BTBD16: variants seen among roughly 807,000 people sequenced by gnomAD.
BTBD16 encodes BTB/POZ domain-containing protein 16.
In BTBD16, 66 loss-of-function variants were observed where a neutral mutation model predicts 67.4. That is an observed-to-expected ratio of 0.98 (90% CI 0.80 to 1.20). The LOEUF (loss-of-function observed/expected upper bound fraction) is 1.20, where lower values mean the gene tolerates loss of function less well. BTBD16 is among the 50% of genes most tolerant of loss of function. The pLI is 0.00. For missense variants in BTBD16, 634 were observed against 616.0 expected (o/e 1.03, Z -0.31); for synonymous variants, 242 against 236.4 (o/e 1.02, Z -0.22).
chr10:122,324,696 G>T (rs1205619188), intron 10 of BTBD16, among the ~76,000 whole-genome samples: 1 of 151,968 alleles, frequency 6.6e-6, no homozygotes, highest in African/African-American at 2.4e-5. Context: ...GCCTTGTTGT[G>T]TCTTCTCTTG....
chr10:122,298,542 C>T (rs1224196342), intron 8 of BTBD16, among the ~76,000 whole-genome samples: 1 of 152,236 alleles, frequency 6.6e-6, no homozygotes, highest in African/African-American at 2.4e-5. Context: ...TCCACTTTCT[C>T]TGCCCTTCAA....
rs754204178 is a variant in BTBD16 at position 122,276,834 on chromosome 10, G to C, written c.62G>C (p.Arg21Pro). The change falls in exon 3 of 16, where the codon CGG becomes CCG. Residue 21 changes from arginine (R) to proline (P), a missense_variant. Coordinates refer to ENST00000260723, the MANE Select transcript of BTBD16 (RefSeq NM_144587.5). ...CGCCGGGTCACTGGCTCAACCAACC[G>C]GTGGCGTTTGCCCAAACAGCCTTTC... ...LERRVTGSTN[R>P]WRLPKQPFSG... The C allele has an allele frequency of 2.5e-6, 4 of 1,614,202 alleles. No homozygotes were observed. Among genetic ancestry groups the C allele is most frequent in the East Asian group, 4.5e-5 (2 of 44,890 alleles).
chr10:122,315,938 C>T (rs1279414161), intron 10 of BTBD16, among the ~76,000 whole-genome samples: 4 of 152,072 alleles, frequency 2.6e-5, no homozygotes, highest in Admixed American at 2.6e-4. Context: ...ATGAAAATAT[C>T]CATCTCACAC....
At chr10:122,321,939 T>C (rs1198240630) in intron 10 of BTBD16, among the ~76,000 whole-genome samples, 1 of 152,198 alleles carries the variant, frequency 6.6e-6, no homozygotes, top group South Asian at 2.1e-4. Context: ...AGGTTTCTTC[T>C]AGGATTTTTA....
chr10:122,305,258 G>T (rs1249006823), intron 9 of BTBD16, among the ~76,000 whole-genome samples: 1 of 152,184 alleles, frequency 6.6e-6, no homozygotes, highest in African/African-American at 2.4e-5. Context: ...TGTCACCCAG[G>T]TGATCAGTAT....
chr10:122,329,262 C>T (rs1299111127), intron 10 of BTBD16, among the ~76,000 whole-genome samples: 2 of 152,160 alleles, frequency 1.3e-5, no homozygotes, highest in Non-Finnish European at 2.9e-5. Flanking sequence ...GGACTATAAG[C>T]ATTTGTCTCC....
chr10:122,315,911 T>A (rs922124374), intron 10 of BTBD16, among the ~76,000 whole-genome samples: 5 of 152,166 alleles, frequency 3.3e-5, no homozygotes, highest in Non-Finnish European at 5.9e-5. Context: ...CATAAAATGA[T>A]CATTACAATA....
chr10:122,279,816 C>CT (rs2096348712), intron 3 of BTBD16, among the ~76,000 whole-genome samples: 1 of 152,198 alleles, frequency 6.6e-6, no homozygotes, highest in Admixed American at 6.5e-5. Context: ...GTCATTGCTG[C>CT]TTTTCCCACC....
chr10:122,320,875 G>T (rs2096434271), intron 10 of BTBD16, among the ~76,000 whole-genome samples: 1 of 152,016 alleles, frequency 6.6e-6, no homozygotes, highest in East Asian at 1.9e-4. Flanking sequence ...TTTTATTTCA[G>T]ATTTAGGGGG....
chr10:122,283,294 G>A (rs1170137911), intron 3 of BTBD16, among the ~76,000 whole-genome samples: 1 of 152,228 alleles, frequency 6.6e-6, no homozygotes, highest in Non-Finnish European at 1.5e-5. Context: ...AAAGATCTAG[G>A]CAAGTGATGA....
At chr10:122,334,032 C>T (rs557243012) in intron 13 of BTBD16, among the ~76,000 whole-genome samples, 60 of 152,134 alleles carry the variant, frequency 3.9e-4, no homozygotes, top group African/African-American at 1.4e-3. Context: ...GGAGTGAATT[C>T]ATTCAAATTG....
In BTBD16 at chr10:122,336,502, G is replaced by C; in HGVS notation, c.1272G>C (p.Lys424Asn). ...AATCACTCTCTTTGCAGAGAATAAA[G>C]CACACAGACCTGGAATCTCCCTCTG... The part of the protein sequence containing the change: ...TSYSFYMQRI[K>N]HTDLESPSAV... The change falls in exon 15 of 16, where the codon AAG (lysine) becomes AAC (asparagine). Residue 424 changes from lysine to asparagine, a missense_variant. Transcript: ENST00000260723. 1 of 1,605,624 alleles carries C rather than the reference G, an allele frequency of 6.2e-7. No homozygotes were observed. The highest frequency in any genetic ancestry group is 8.5e-7 in the Non-Finnish European group (1 of 1,176,514).
intron 12 of BTBD16, chr10:122,331,828 A>C (rs2096455637): frequency 1.3e-5 from 2 of 153,748 alleles, no homozygotes; most frequent in Admixed American, 1.3e-4. Flanking sequence ...CCTGCTCAAC[A>C]AATACCTATT....
chr10:122,298,126 T>C (rs2096387046), intron 8 of BTBD16, among the ~76,000 whole-genome samples: 1 of 152,184 alleles, frequency 6.6e-6, no homozygotes, highest in Admixed American at 6.5e-5. Context: ...TTCCAGAACA[T>C]TCTTGCTGGA....
Position 122,276,907 on chromosome 10 carries a change from A to G in BTBD16, c.135A>G (p.Ile45Met), listed in dbSNP as rs958406577. 11 of 1,614,022 alleles carry G rather than the reference A, an allele frequency of 6.8e-6. No individual in the cohort carries two copies. In the African/African-American group the frequency reaches 1.2e-4, roughly 18 times the overall value. ...CCCAGATGTGCAAGGCTCTGAGCAT[A>G]GACTTTGAGGAAGCTTTGAGGAACC... ...SLSQMCKALS[I>M]DFEEALRNPD... The change falls in exon 3 of 16, where the codon ATA becomes ATG. Residue 45 changes from isoleucine (I) to methionine (M), a missense_variant. By Grantham distance (10) the Ile-to-Met change is conservative. Transcript: ENST00000260723.
chr10:122,316,400 C>T (rs2096424474), intron 10 of BTBD16, among the ~76,000 whole-genome samples: 1 of 152,206 alleles, frequency 6.6e-6, no homozygotes, highest in Non-Finnish European at 1.5e-5. Context: ...GAATGTTATA[C>T]AGTCTCATGC....
intron 7 of BTBD16, chr10:122,293,988 G>C (rs2096378669): frequency 3.4e-6 from 1 of 292,126 alleles, no homozygotes; most frequent in Admixed American, 6.5e-5. Context: ...CCCCCACCTT[G>C]TTTTGAATGC....
rs748757619 is a variant in BTBD16 at position 122,286,276 on chromosome 10, G to A, written c.385+28G>A. 49 of 1,586,234 alleles carry A rather than the reference G, an allele frequency of 3.1e-5. No homozygotes were observed. The South Asian group carries it at 5.3e-4, about 17-fold the overall frequency. On this transcript the variant is annotated intron_variant, in intron 5 of 15. Coordinates refer to ENST00000260723, the MANE Select transcript of BTBD16 (RefSeq NM_144587.5). ...ACTTCCTCCCTGGCACCCAGTGCTG[G>A]AGCCCCAGTGCCCTCTAGCTTGACG...
At chr10:122,332,087 T>C in intron 12 of BTBD16, 2 of 200,224 alleles carry the variant, frequency 1.0e-5, no homozygotes, top group Non-Finnish European at 2.0e-5. Context: ...CTCCCTCTCC[T>C]CCCCAGCCCT....
Sources: gnomAD v4.1 joint callset for allele counts (sites outside exome capture counted in the v4.1 genomes callset) on GRCh38, gnomAD v4.1.1 for gene constraint, MANE v1.5 for transcripts, NCBI Gene and HGNC (gene_info 2026-07-23, HGNC 2026-07-21) for gene names.